MPDZ: variants seen among roughly 807,000 people sequenced by gnomAD.
MPDZ encodes the protein multiple PDZ domain crumbs cell polarity complex component.
Under a neutral mutation model 239.1 loss-of-function variants are expected in MPDZ, and 234 were observed. That is an observed-to-expected ratio of 0.98 (90% CI 0.88 to 1.09). MPDZ has a LOEUF of 1.09. Ranked by LOEUF, MPDZ falls within the 50% of genes least tolerant of loss-of-function variation. The pLI is 0.00. For synonymous variants in MPDZ, 1,048 were observed against 881.3 expected, an observed-to-expected ratio of 1.19 and a Z score of -3.35; for missense variants, 3,175 against 2,510.0, an observed-to-expected ratio of 1.26 and a Z score of -5.66.
chr9:13,268,167 T>TATAC (rs1972184285), intron 1 of MPDZ, among the ~76,000 whole-genome samples: 1 of 150,958 alleles, frequency 6.6e-6, no homozygotes, highest in Non-Finnish European at 1.5e-5. Flanking sequence ...TATATATATA[T>TATAC]ATACACACAT....
rs903805567 is a variant in MPDZ, at chr9:13,215,759, T to TTG, written c.1290+1014_1290+1015insCA. On this transcript the variant is annotated intron_variant, in intron 10 of 46. Transcript: ENST00000319217. The stretch of plus-strand genomic sequence containing the variant: ...ACAGGTTTCTCTATTGCAGGTTTTT[T>TTG]TTTTTTTTTTTTTTTGTCTTTTTTT... Among the ~76,000 whole-genome samples, 8 of 135,114 alleles carry TTG rather than the reference T, an allele frequency of 5.9e-5. No individual in the cohort carries two copies. In the East Asian group the frequency reaches 1.3e-3, roughly 22 times the overall value. The allele number at this position is 135,114 out of a possible 152,430, so 88.6% of individuals were successfully genotyped here.
intron 12 of MPDZ, among the ~76,000 whole-genome samples, chr9:13,196,781 T>A (rs1216320413): frequency 6.6e-6 from 1 of 151,930 alleles, no homozygotes; most frequent in Non-Finnish European, 1.5e-5. Context: ...AAAAGAGAAA[T>A]TTTTAAAAGG....
At chr9:13,194,010 T>C (rs186359231) in intron 13 of MPDZ, among the ~76,000 whole-genome samples, 10 of 152,320 alleles carry the variant, frequency 6.6e-5, no homozygotes, top group East Asian at 5.8e-4. Flanking sequence ...CACCTGACTT[T>C]GAAATCTAAT....
At chr9:13,122,507 A>G (rs568745483) in intron 36 of MPDZ, among the ~76,000 whole-genome samples, 1 of 152,142 alleles carries the variant, frequency 6.6e-6, no homozygotes, top group East Asian at 1.9e-4. Context: ...TCTACAAAGT[A>G]TCAATTTTTC....
At chr9:13,225,860 A>C (rs1960407568) in intron 3 of MPDZ, among the ~76,000 whole-genome samples, 1 of 152,062 alleles carries the variant, frequency 6.6e-6, no homozygotes, top group Admixed American at 6.6e-5. Flanking sequence ...TCCCAGCAAA[A>C]TGGAAGCTTC....
intron 1 of MPDZ, among the ~76,000 whole-genome samples, chr9:13,257,306 C>T (rs1477802090): frequency 1.3e-5 from 2 of 152,050 alleles, no homozygotes; most frequent in Admixed American, 6.6e-5. Flanking sequence ...AATAGCCTCC[C>T]GTGCCTGACA....
intron 1 of MPDZ, among the ~76,000 whole-genome samples, chr9:13,266,970 T>C (rs1008510239): frequency 6.6e-6 from 1 of 152,142 alleles, no homozygotes; most frequent in Non-Finnish European, 1.5e-5. Context: ...AAAAGGCAAC[T>C]TTATTCCTCA....
rs1950035595 is a variant in MPDZ at position 13,158,044 on chromosome 9, T to G, written c.3426A>C (p.Ala1142=). The G allele has an allele frequency of 6.2e-7, 1 of 1,612,664 alleles. No individual in the cohort carries two copies. The highest frequency in any genetic ancestry group is 1.7e-5 in the Admixed American group (1 of 59,892). The part of the protein sequence containing the change: ...EGEESELQNT[A]YSNWNQPRRV... Reference sequence around the variant, plus strand: ...GCCTGGGCTGATTCCAATTGCTATATGCTGTGTTTTGAAGTTCGCTTTCTT... The same window carrying G: ...GCCTGGGCTGATTCCAATTGCTATAGGCTGTGTTTTGAAGTTCGCTTTCTT... The change falls in exon 24 of 47, where the codon GCA becomes GCC. Residue 1142 remains alanine, a synonymous_variant. Coordinates refer to ENST00000319217, the MANE Select transcript of MPDZ (RefSeq NM_001378778.1).
chr9:13,214,263 ATAC>A (rs1474032950), intron 10 of MPDZ, among the ~76,000 whole-genome samples: 1 of 152,084 alleles, frequency 6.6e-6, no homozygotes, highest in Non-Finnish European at 1.5e-5. Flanking sequence ...AGACTGAAAC[ATAC>A]TACAATACAG....
At chr9:13,198,961 T>C (rs1031369635) in intron 12 of MPDZ, among the ~76,000 whole-genome samples, 5 of 151,870 alleles carry the variant, frequency 3.3e-5, no homozygotes, top group Admixed American at 2.0e-4. Context: ...AGGTATGGCA[T>C]TGAATATATA....
Position 13,106,830 on chromosome 9 carries a change from A to G in MPDZ, c.*135T>C. On this transcript the variant is annotated 3_prime_UTR_variant, in exon 47 of 47. Coordinates refer to ENST00000319217, the MANE Select transcript of MPDZ (RefSeq NM_001378778.1). The stretch of plus-strand genomic sequence containing the variant: ...GAAAGCATTTCTAGATGAGAAAAAG[A>G]AACTTAAGTGTTATTTCCCCCCTAC... 7 of 935,926 alleles carry G rather than the reference A, an allele frequency of 7.5e-6. No homozygotes were observed. Among genetic ancestry groups the G allele is most frequent in the Non-Finnish European group, 9.3e-6 (6 of 643,496 alleles). 58.0% of individuals were successfully genotyped at this position (935,926 alleles called of 1,614,324 possible). A position where few individuals can be genotyped will look rare whatever the true frequency, so the allele number is the denominator to read the frequency against.
chr9:13,138,977 C>G (rs1281760298), intron 28 of MPDZ, among the ~76,000 whole-genome samples: 1 of 152,200 alleles, frequency 6.6e-6, no homozygotes, highest in African/African-American at 2.4e-5. Flanking sequence ...TAATAGAAAA[C>G]TGAAACATTT....
rs757139142 is a variant in MPDZ at position 13,222,367 on chromosome 9, C to A, written c.613G>T (p.Ala205Ser). The A allele has an allele frequency of 1.9e-6, 3 of 1,612,740 alleles. No homozygotes were observed. Among genetic ancestry groups the A allele is most frequent in the Non-Finnish European group, 2.5e-6 (3 of 1,179,286 alleles). The change falls in exon 6 of 47, where the codon GCT becomes TCT. Residue 205 changes from alanine to serine, a missense_variant. Physicochemically the swap from Ala to Ser is moderately conservative, Grantham distance 99 (BLOSUM62 1). Coordinates refer to ENST00000319217, the MANE Select transcript of MPDZ (RefSeq NM_001378778.1). ...ALDQTITHQQ[A>S]ISILQKAKDT... ...TTGGCTTTCTGCAGGATGCTGATAGCCTGCTGATGTGTAATTGTCTGATCA... is the reference window on the plus strand; with the variant it reads ...TTGGCTTTCTGCAGGATGCTGATAGACTGCTGATGTGTAATTGTCTGATCA...
intron 22 of MPDZ, among the ~76,000 whole-genome samples, chr9:13,167,889 G>C (rs1951280050): frequency 6.6e-6 from 1 of 152,128 alleles, no homozygotes; most frequent in Non-Finnish European, 1.5e-5. Context: ...CTGGGGTCAT[G>C]AGATAGCTCA....
chr9:13,224,287 A>T, intron 4 of MPDZ, 87 bp downstream of exon 4: 9 of 1,234,626 alleles, frequency 7.3e-6, no homozygotes, highest in Non-Finnish European at 8.0e-6. Context: ...TATAAATGTC[A>T]CTATATTCTT....
chr9:13,238,706 T>C (rs1964680450), intron 3 of MPDZ, among the ~76,000 whole-genome samples: 1 of 152,166 alleles, frequency 6.6e-6, no homozygotes, highest in African/African-American at 2.4e-5. Flanking sequence ...ATACCACAAT[T>C]ATCTGAAAAG....
chr9:13,158,035 A>C lies in MPDZ; in HGVS notation c.3435T>G (p.Asn1145Lys). The C allele has an allele frequency of 1.2e-6, 2 of 1,612,666 alleles. No individual in the cohort carries two copies. Among genetic ancestry groups the C allele is most frequent in the African/African-American group, 1.3e-5 (1 of 74,996 alleles). ...ESELQNTAYSNWNQPRRVELW... is the reference protein window; with the variant it reads ...ESELQNTAYSKWNQPRRVELW... ...GTCCTTACCGCCTGGGCTGATTCCA[A>C]TTGCTATATGCTGTGTTTTGAAGTT... Residue 1145 changes from asparagine to lysine, a missense_variant, in exon 24 of 47, where the codon AAT becomes AAG. Physicochemically the swap from Asn to Lys is moderately conservative, Grantham distance 94. Coordinates refer to ENST00000319217, the MANE Select transcript of MPDZ (RefSeq NM_001378778.1).
intron 21 of MPDZ, among the ~76,000 whole-genome samples, chr9:13,172,072 T>G (rs2134020680): frequency 6.6e-6 from 1 of 152,326 alleles, no homozygotes; most frequent in South Asian, 2.1e-4. Context: ...AAGATTCCTT[T>G]ACATTTAGTT....
In MPDZ at chr9:13,237,123, ATG is replaced by A. The variant is rs1003502187; in HGVS notation, c.183+10510_183+10511del. Among the ~76,000 whole-genome samples, 5 of 151,996 alleles carry A rather than the reference ATG, an allele frequency of 3.3e-5. No individual in the cohort carries two copies. The South Asian group carries it at 8.3e-4, about 25-fold the overall frequency. On this transcript the variant is annotated intron_variant, in intron 3 of 46. Transcript: ENST00000319217. ...TTATTAAATCTTGACCCTCAAGAAC[ATG>A]TGTTTTTCATATTCCATGCTTCAAA...
Sources: gnomAD v4.1 joint callset for allele counts (sites outside exome capture counted in the v4.1 genomes callset) on GRCh38, gnomAD v4.1.1 for gene constraint, MANE v1.5 for transcripts, NCBI Gene and HGNC (gene_info 2026-07-23, HGNC 2026-07-21) for gene names.